The following NOVA1 variants were observed in gnomAD, a reference collection of about 807,000 sequenced individuals.
The protein encoded by NOVA1 is NOVA alternative splicing regulator 1.
A neutral mutation model predicts 38.0 loss-of-function variants in NOVA1; 7 were observed. That is an observed-to-expected ratio of 0.18 (90% CI 0.10 to 0.35). The LOEUF is 0.35. Among genes scored for constraint, NOVA1 ranks in the 10% least tolerant of loss-of-function variants. NOVA1 has a pLI of 1.00. For missense variants in NOVA1, 460 were observed against 616.0 expected (o/e 0.75, Z 2.68); for synonymous variants, 270 against 232.5 (o/e 1.16, Z -1.47).
intron 2 of NOVA1, 57 bp from the exon 3 acceptor site, chr14:26,480,200 A>G: frequency 1.4e-6 from 2 of 1,469,834 alleles, no homozygotes; most frequent in Non-Finnish European, 9.2e-7. Context: ...TAAAAAAATT[A>G]TGAAAAAGGA....
rs145620475 is a variant in NOVA1 at position 26,505,325 on chromosome 14, G to T, written c.281-25182C>A. Among the ~76,000 whole-genome samples the T allele has an allele frequency of 3.7e-3, 565 of 152,098 alleles. 2 individuals carry two copies. The highest frequency in any genetic ancestry group is 0.013 in the African/African-American group (541 of 41,508). On this transcript the variant is annotated intron_variant, in intron 2 of 4. Coordinates refer to ENST00000539517, the MANE Select transcript of NOVA1 (RefSeq NM_002515.3). Reference sequence around the variant, plus strand: ...ACCTCATGGGAGGTGCTTGGATCATGGGGGCAGTTTCCCCCATGCTGTTCT... The same window carrying T: ...ACCTCATGGGAGGTGCTTGGATCATTGGGGCAGTTTCCCCCATGCTGTTCT...
At chr14:26,516,673 TTTTG>T (rs1163491794) in intron 2 of NOVA1, among the ~76,000 whole-genome samples, 1 of 152,188 alleles carries the variant, frequency 6.6e-6, no homozygotes, top group African/African-American at 2.4e-5. Flanking sequence ...CTATATATAT[TTTTG>T]TTTGTATTTA....
chr14:26,548,402 C>T (rs1425095297), intron 2 of NOVA1, among the ~76,000 whole-genome samples: 1 of 151,930 alleles, frequency 6.6e-6, no homozygotes, highest in Admixed American at 6.6e-5. Context: ...TATAATTTAA[C>T]TTATGACACA....
At chr14:26,455,393 C>G (rs1197366096) in intron 4 of NOVA1, among the ~76,000 whole-genome samples, 5 of 152,092 alleles carry the variant, frequency 3.3e-5, no homozygotes, top group Non-Finnish European at 4.4e-5. Flanking sequence ...TGGTCTTACC[C>G]TGGCTCTGCT....
intron 2 of NOVA1, among the ~76,000 whole-genome samples, chr14:26,575,529 T>C (rs1892787516): frequency 6.6e-6 from 1 of 152,156 alleles, no homozygotes; most frequent in African/African-American, 2.4e-5. Context: ...AATTTTAATG[T>C]TAAAAATGAA....
At chr14:26,518,541 G>C (rs1888645317) in intron 2 of NOVA1, among the ~76,000 whole-genome samples, 1 of 151,868 alleles carries the variant, frequency 6.6e-6, no homozygotes. Flanking sequence ...CATACTAATT[G>C]TACATATTAA....
intron 3 of NOVA1, among the ~76,000 whole-genome samples, 189 bp from the exon 4 acceptor site, chr14:26,472,580 C>A (rs957332851): frequency 2.6e-5 from 4 of 152,042 alleles, no homozygotes; most frequent in South Asian, 4.1e-4. Flanking sequence ...AAGATGCATG[C>A]ATAAGCATGT....
At chr14:26,552,831 T>C (rs1452207418) in intron 2 of NOVA1, among the ~76,000 whole-genome samples, 2 of 152,140 alleles carry the variant, frequency 1.3e-5, no homozygotes, top group Non-Finnish European at 2.9e-5. Flanking sequence ...CAGCATTACT[T>C]AAATGAAGAA....
At chr14:26,485,130 T>C (rs1885781390) in intron 2 of NOVA1, among the ~76,000 whole-genome samples, 2 of 152,122 alleles carry the variant, frequency 1.3e-5, no homozygotes, top group African/African-American at 4.8e-5. Flanking sequence ...AAAGGGACTT[T>C]GTCATGTTTA....
intron 2 of NOVA1, among the ~76,000 whole-genome samples, chr14:26,571,910 T>C (rs1892503911): frequency 1.3e-5 from 2 of 152,198 alleles, no homozygotes; most frequent in Admixed American, 1.3e-4. Flanking sequence ...TTAGAAATCA[T>C]CTATACAACC....
At chr14:26,492,288 G>A (rs1430153510) in intron 2 of NOVA1, among the ~76,000 whole-genome samples, 1 of 152,122 alleles carries the variant, frequency 6.6e-6, no homozygotes, top group Non-Finnish European at 1.5e-5. Flanking sequence ...TGTATATACA[G>A]GAAGATGTCA....
At chr14:26,469,131 G>A (rs915134254) in intron 4 of NOVA1, among the ~76,000 whole-genome samples, 1 of 152,100 alleles carries the variant, frequency 6.6e-6, no homozygotes, top group Non-Finnish European at 1.5e-5. Context: ...AAAACTCCAC[G>A]TGTAGAAGAA....
intron 2 of NOVA1, chr14:26,519,052 T>C (rs1341803826): frequency 2.0e-5 from 3 of 152,054 alleles, no homozygotes; most frequent in Non-Finnish European, 2.9e-5. Flanking sequence ...AATTAACCTA[T>C]AAAAAACATT....
At chr14:26,597,262 G>A (rs768102920) in intron 1 of NOVA1, 39 bp downstream of exon 1, 42 of 1,230,564 alleles carry the variant, frequency 3.4e-5, no homozygotes, top group African/African-American at 9.6e-5. Context: ...GGCGGGCGGC[G>A]GGGGATGGGG....
chr14:26,515,839 A>G (rs1466112853), intron 2 of NOVA1, among the ~76,000 whole-genome samples: 10 of 152,056 alleles, frequency 6.6e-5, no homozygotes. Context: ...ACATTTCTAC[A>G]AATTATGTTA....
Position 26,447,749 on chromosome 14 carries a change from G to A in NOVA1, c.*210C>T. On this transcript the variant is annotated 3_prime_UTR_variant, in exon 5 of 5. Transcript: ENST00000539517. The stretch of plus-strand genomic sequence containing the variant: ...GACAAATATACACAAGCAAAGTATA[G>A]AGAACAAAACAGATCAAGAAAAAAT... 5.2e-6 allele frequency: 3 copies of A among 573,306 alleles called. No homozygotes were observed. Among genetic ancestry groups the A allele is most frequent in the Non-Finnish European group, 9.3e-6 (3 of 322,846 alleles). The allele number at this position is 573,306 out of a possible 1,614,324, so 35.5% of individuals were successfully genotyped here.
At chr14:26,534,807 C>T (rs1454175200) in intron 2 of NOVA1, among the ~76,000 whole-genome samples, 1 of 151,732 alleles carries the variant, frequency 6.6e-6, no homozygotes, top group Non-Finnish European at 1.5e-5. Flanking sequence ...AAGAGGGAGA[C>T]AAGAAGGTTA....
chr14:26,571,031 C>A (rs1270600411), intron 2 of NOVA1, among the ~76,000 whole-genome samples: 1 of 151,854 alleles, frequency 6.6e-6, no homozygotes, highest in Non-Finnish European at 1.5e-5. Flanking sequence ...ACTATGAATC[C>A]ACAGACTTCA....
At chr14:26,508,033 A>G (rs1887774987) in intron 2 of NOVA1, among the ~76,000 whole-genome samples, 1 of 152,026 alleles carries the variant, frequency 6.6e-6, no homozygotes, top group Non-Finnish European at 1.5e-5. Context: ...AAGTTTTTCT[A>G]TTACTTACAA....
Sources: allele counts gnomAD v4.1 joint callset (sites outside exome capture counted in the v4.1 genomes callset), GRCh38; gene constraint gnomAD v4.1.1; transcripts MANE v1.5; gene names NCBI Gene and HGNC (gene_info 2026-07-23, HGNC 2026-07-21).